COL14A1: variants seen among roughly 807,000 people sequenced by gnomAD.
COL14A1 encodes the protein collagen alpha-1(XIV) chain.
A neutral mutation model predicts 230.3 loss-of-function variants in COL14A1; 136 were observed. The ratio of observed to expected loss-of-function variants is 0.59; its 90% CI spans 0.51 to 0.68. The LOEUF (loss-of-function observed/expected upper bound fraction) is 0.68. Ranked by LOEUF, COL14A1 falls within the 30% of genes least tolerant of loss-of-function variation. The probability of loss-of-function intolerance (pLI) is 0.00; values close to 1 mark genes in which losing one functional copy is unlikely to be tolerated. For missense variants in COL14A1, 1,976 were observed against 2,215.8 expected (o/e 0.89, Z 2.17); for synonymous variants, 792 against 784.1 (o/e 1.01, Z -0.17).
chr8:120,274,108 A>G (rs977090553), intron 26 of COL14A1, among the ~76,000 whole-genome samples: 1 of 151,778 alleles, frequency 6.6e-6, no homozygotes, highest in East Asian at 1.9e-4. Context: ...AAATCCAACA[A>G]CACATCAAGA....
At chr8:120,283,511 G>A in intron 31 of COL14A1, 125 bp from the exon 32 acceptor site, 2 of 879,754 alleles carry the variant, frequency 2.3e-6, no homozygotes, top group Non-Finnish European at 3.5e-6. Flanking sequence ...GATCTAGTTG[G>A]TGTTAATGGT....
intron 19 of COL14A1, among the ~76,000 whole-genome samples, chr8:120,239,940 A>C (rs1818563916): frequency 6.6e-6 from 1 of 151,844 alleles, no homozygotes; most frequent in South Asian, 2.1e-4. Context: ...ATTTAATATC[A>C]TGCATGCACT....
chr8:120,181,030 G>A (rs1420109421), intron 5 of COL14A1, among the ~76,000 whole-genome samples: 3 of 152,130 alleles, frequency 2.0e-5, no homozygotes, highest in Admixed American at 6.5e-5. Context: ...TTTAAGGTTA[G>A]TTTCAGAAAA....
intron 29 of COL14A1, 112 bp from the exon 30 acceptor site, chr8:120,280,599 C>T: frequency 9.8e-7 from 1 of 1,017,726 alleles, no homozygotes. Context: ...TGTATTCTCT[C>T]CACAATCAAC....
chr8:120,325,707 G>T lies in COL14A1; in HGVS notation c.4660-6434G>T, dbSNP rs865914894. 2.8e-4 allele frequency among the ~76,000 whole-genome samples: 43 copies of T among 152,192 alleles called. 2 individuals are homozygous for T. The highest frequency in any genetic ancestry group is 3.4e-3 in the Middle Eastern group (1 of 294). The stretch of plus-strand genomic sequence containing the variant: ...GGGGTTTCGCCATGTTGTTCAGGCT[G>T]GTCCGGAACCCCCGACCTCCAGTGA... On this transcript the variant is annotated intron_variant, in intron 40 of 47. Coordinates refer to ENST00000297848, the MANE Select transcript of COL14A1 (RefSeq NM_021110.4).
At chr8:120,254,812 C>T (rs141284165) in intron 22 of COL14A1, among the ~76,000 whole-genome samples, 1,464 of 123,936 alleles carry the variant, frequency 0.012, 25 homozygotes, top group African/African-American at 0.045. Flanking sequence ...TGGCGAAACA[C>T]TGCCTCTACA....
intron 45 of COL14A1, among the ~76,000 whole-genome samples, chr8:120,364,818 G>A (rs1823352227): frequency 6.6e-6 from 1 of 151,698 alleles, no homozygotes; most frequent in Non-Finnish European, 1.5e-5. Context: ...AGGAGGCGGA[G>A]GTTGCAGTGA....
At chr8:120,337,257 G>A (rs973947753) in intron 42 of COL14A1, among the ~76,000 whole-genome samples, 6 of 151,842 alleles carry the variant, frequency 4.0e-5, no homozygotes, top group Admixed American at 3.3e-4. Context: ...TTAGCTGGGC[G>A]TGGTGGTGGG....
intron 8 of COL14A1, 69 bp downstream of exon 8, chr8:120,199,635 T>A: frequency 2.0e-6 from 3 of 1,483,428 alleles, no homozygotes; most frequent in Non-Finnish European, 1.8e-6. Flanking sequence ...CAATATGTAA[T>A]GTGAAATGCA....
At chr8:120,328,042 G>A (rs966870720) in intron 40 of COL14A1, among the ~76,000 whole-genome samples, 2 of 152,148 alleles carry the variant, frequency 1.3e-5, no homozygotes, top group Non-Finnish European at 1.5e-5. Context: ...GAGATTACAG[G>A]CATGAGCCAC....
chr8:120,305,222 T>C (rs1820822981), intron 36 of COL14A1, among the ~76,000 whole-genome samples: 1 of 152,114 alleles, frequency 6.6e-6, no homozygotes, highest in South Asian at 2.1e-4. Flanking sequence ...TAAGGTGATC[T>C]GCCTGCCTCG....
intron 5 of COL14A1, among the ~76,000 whole-genome samples, chr8:120,195,419 C>T (rs922239248): frequency 2.6e-5 from 4 of 152,088 alleles, no homozygotes; most frequent in African/African-American, 9.7e-5. Flanking sequence ...GATCTCTAGT[C>T]CTAACATGAA....
chr8:120,244,807 A>G lies in COL14A1; in HGVS notation c.2479+799A>G, dbSNP rs141405865. On this transcript the variant is annotated intron_variant, in intron 20 of 47. Transcript: ENST00000297848. ...CCTGCTTCTACTCATGCCATCTCCTATTCTTCTTATAGCAGCTTGAGGAGG... is the reference window on the plus strand; with the variant it reads ...CCTGCTTCTACTCATGCCATCTCCTGTTCTTCTTATAGCAGCTTGAGGAGG... Among the ~76,000 whole-genome samples the G allele has an allele frequency of 3.0e-3, 461 of 152,228 alleles. 5 individuals carry two copies. Among genetic ancestry groups the G allele is most frequent in the African/African-American group, 0.01 (422 of 41,524 alleles).
intron 40 of COL14A1, among the ~76,000 whole-genome samples, chr8:120,317,218 A>G (rs1821263479): frequency 6.6e-6 from 1 of 152,180 alleles, no homozygotes; most frequent in African/African-American, 2.4e-5. Flanking sequence ...CAAACAATTG[A>G]CTTGAGCACC....
At chr8:120,200,715 TTATATATATATATATATA>T (rs34177030) in intron 8 of COL14A1, among the ~76,000 whole-genome samples, 3,510 of 85,652 alleles carry the variant, frequency 0.041, 152 homozygotes, top group African/African-American at 0.061. Context: ...GTTTTCCTAT[TTATATATATATATATATA>T]TATATATATA....
chr8:120,192,665 C>T (rs1351672863), intron 5 of COL14A1, among the ~76,000 whole-genome samples: 14 of 152,100 alleles, frequency 9.2e-5, no homozygotes, highest in African/African-American at 2.2e-4. Context: ...CCATTCTCCC[C>T]GTCACTTTCA....
chr8:120,326,784 G>A (rs534379495), intron 40 of COL14A1, among the ~76,000 whole-genome samples: 1 of 152,290 alleles, frequency 6.6e-6, no homozygotes, highest in African/African-American at 2.4e-5. Flanking sequence ...CCAGCACTTT[G>A]GGAGGCTGAG....
intron 1 of COL14A1, among the ~76,000 whole-genome samples, chr8:120,125,715 A>G (rs540621812): frequency 1.6e-4 from 25 of 152,260 alleles, no homozygotes; most frequent in Non-Finnish European, 2.6e-4. Context: ...GGGGCTTAAC[A>G]AAGGCGGTAA....
At chr8:120,219,961 C>T (rs2130787422) in intron 14 of COL14A1, among the ~76,000 whole-genome samples, 1 of 151,856 alleles carries the variant, frequency 6.6e-6, no homozygotes, top group East Asian at 1.9e-4. Flanking sequence ...GATTTTGTAA[C>T]ATCGGTTTTG....
Sources: allele counts gnomAD v4.1 joint callset (sites outside exome capture counted in the v4.1 genomes callset), GRCh38; gene constraint gnomAD v4.1.1; transcripts MANE v1.5; gene names NCBI Gene and HGNC (gene_info 2026-07-23, HGNC 2026-07-21).